Variants in EPM2A observed in about 807,000 individuals in gnomAD.
EPM2A encodes the protein laforin.
EPM2A carries 21 observed loss-of-function variants against 26.5 expected under a neutral mutation model. That is an observed-to-expected ratio of 0.79 (90% CI 0.56 to 1.14). The LOEUF (loss-of-function observed/expected upper bound fraction) is 1.14. Ranked by LOEUF, EPM2A falls within the 50% of genes most tolerant of loss-of-function variation. The probability of loss-of-function intolerance (pLI) is 0.00; values close to 1 mark genes in which losing one functional copy is unlikely to be tolerated. For missense variants in EPM2A, 458 were observed against 440.8 expected (o/e 1.04, Z -0.35); for synonymous variants, 217 against 177.6 (o/e 1.22, Z -1.76).
intron 1 of EPM2A, among the ~76,000 whole-genome samples, chr6:145,727,416 A>G (rs1776264690): frequency 6.6e-6 from 1 of 152,194 alleles, no homozygotes; most frequent in Non-Finnish European, 1.5e-5. Flanking sequence ...TCTTATTTAT[A>G]TAACAGAGAA....
chr6:145,567,543 G>C (rs2114821240), intron 2 of EPM2A, among the ~76,000 whole-genome samples: 1 of 152,336 alleles, frequency 6.6e-6, no homozygotes, highest in Admixed American at 6.5e-5. Context: ...CAGTCCACAA[G>C]TGTACCAACA....
intron 2 of EPM2A, among the ~76,000 whole-genome samples, chr6:145,551,734 A>G (rs1258642035): frequency 6.6e-6 from 1 of 152,054 alleles, no homozygotes; most frequent in African/African-American, 2.4e-5. Context: ...TCTCACACAG[A>G]TGTAATCAAG....
intron 4 of EPM2A, among the ~76,000 whole-genome samples, chr6:145,448,328 C>T (rs1288150911): frequency 6.6e-6 from 1 of 151,922 alleles, no homozygotes; most frequent in East Asian, 1.9e-4. Flanking sequence ...TAGGAAACCA[C>T]AATGTAAATC....
At chr6:145,704,679 T>C (rs563668866) in intron 1 of EPM2A, among the ~76,000 whole-genome samples, 3 of 152,132 alleles carry the variant, frequency 2.0e-5, no homozygotes, top group East Asian at 1.9e-4. Flanking sequence ...TAAAAAGCCT[T>C]TGACACCTCC....
intron 2 of EPM2A, among the ~76,000 whole-genome samples, chr6:145,612,712 T>TTTATATATA (rs1007298682): frequency 3.6e-4 from 54 of 148,176 alleles, no homozygotes; most frequent in African/African-American, 1.3e-3. Flanking sequence ...TACAATATTA[T>TTTATATATA]TTATATATAT....
At chr6:145,657,088 C>CCT (rs1778348527) in intron 2 of EPM2A, among the ~76,000 whole-genome samples, 1 of 119,130 alleles carries the variant, frequency 8.4e-6, no homozygotes, top group Non-Finnish European at 1.7e-5. Flanking sequence ...CGTCATTTTT[C>CCT]CTTTTTTTTT....
chr6:145,649,114 G>A lies in EPM2A; in HGVS notation c.477-13628C>T, dbSNP rs1354777929. The stretch of plus-strand genomic sequence containing the variant: ...GCCTCTCTTTTCTAATGTGTACACT[G>A]AGAGAACTGGATTCAATAAGCAGTT... On this transcript the variant is annotated intron_variant, in intron 2 of 3. Coordinates refer to ENST00000367519, the MANE Select transcript of EPM2A (RefSeq NM_005670.4). 2.6e-5 allele frequency among the ~76,000 whole-genome samples: 4 copies of A among 152,264 alleles called. No homozygotes were observed. The East Asian group carries it at 7.7e-4, about 29-fold the overall frequency.
At chr6:145,594,990 G>A (rs1781322308) in intron 2 of EPM2A, among the ~76,000 whole-genome samples, 2 of 150,476 alleles carry the variant, frequency 1.3e-5, no homozygotes, top group African/African-American at 4.9e-5. Flanking sequence ...TTAACTTTTA[G>A]TAGTTAAAAA....
chr6:145,429,512 A>T (rs185685891), intron 4 of EPM2A, among the ~76,000 whole-genome samples: 1 of 151,714 alleles, frequency 6.6e-6, no homozygotes, highest in African/African-American at 2.4e-5. Context: ...CATCATGATA[A>T]ACCTTAGAAA....
intron 2 of EPM2A, among the ~76,000 whole-genome samples, chr6:145,592,869 A>C (rs1447741554): frequency 6.6e-6 from 1 of 152,194 alleles, no homozygotes; most frequent in Non-Finnish European, 1.5e-5. Flanking sequence ...AAAGAAGGAA[A>C]GCACAAAAAG....
intron 4 of EPM2A, among the ~76,000 whole-genome samples, chr6:145,421,931 C>T (rs1011247246): frequency 6.7e-6 from 1 of 150,232 alleles, no homozygotes; most frequent in African/African-American, 2.4e-5. Context: ...TAAAAAGCCA[C>T]ATAACCATAC....
chr6:145,602,691 T>C (rs966449861), intron 2 of EPM2A, among the ~76,000 whole-genome samples: 1 of 152,210 alleles, frequency 6.6e-6, no homozygotes, highest in Non-Finnish European at 1.5e-5. Flanking sequence ...TCCCATTAAA[T>C]GCTAAGTAAG....
rs114211787 is a variant in EPM2A, at chr6:145,396,712, G to A, written c.556-12615C>T. Among the ~76,000 whole-genome samples, 1,220 of 152,244 alleles carry A rather than the reference G, an allele frequency of 8.0e-3. 12 individuals carry two copies. The highest frequency in any genetic ancestry group is 0.028 in the African/African-American group (1,175 of 41,534). On this transcript the variant is annotated intron_variant, in intron 4 of 4. Coordinates refer to the EPM2A transcript ENST00000638717. Reference sequence around the variant, plus strand: ...AAGTTAACTTTCACTTCCCTTCACTGTAATGGCAAGTTGATTTCATTCTGT... The same window carrying A: ...AAGTTAACTTTCACTTCCCTTCACTATAATGGCAAGTTGATTTCATTCTGT...
rs150489928 is a variant in EPM2A at position 145,579,850 on chromosome 6, T to C, written c.340+55395A>G. On this transcript the variant is annotated intron_variant, in intron 2 of 3. Transcript: ENST00000450221. ...TCTTTGTTGGCTTTTCAGCTAATTC[T>C]GTACTGTTATTTTATTGGTTGCTAT... 2.9e-3 allele frequency among the ~76,000 whole-genome samples: 445 copies of C among 152,294 alleles called. 3 individuals carry two copies. Among genetic ancestry groups the C allele is most frequent in the African/African-American group, 0.01 (425 of 41,574 alleles).
At chr6:145,706,233 T>C (rs746345565) in intron 1 of EPM2A, among the ~76,000 whole-genome samples, 3 of 152,158 alleles carry the variant, frequency 2.0e-5, no homozygotes, top group Non-Finnish European at 2.9e-5. Flanking sequence ...GTAGGGTTGC[T>C]TATTGGGCAT....
intron 4 of EPM2A, among the ~76,000 whole-genome samples, chr6:145,399,096 G>T (rs1370694584): frequency 2.0e-5 from 3 of 152,014 alleles, no homozygotes; most frequent in Non-Finnish European, 4.4e-5. Flanking sequence ...ATCAAATAAA[G>T]AAAATTTAAA....
At chr6:145,400,801 T>C (rs1778473737) in intron 4 of EPM2A, among the ~76,000 whole-genome samples, 1 of 150,270 alleles carries the variant, frequency 6.7e-6, no homozygotes, top group South Asian at 2.1e-4. Flanking sequence ...CACCATAAAT[T>C]CTTGTCTCTT....
intron 4 of EPM2A, among the ~76,000 whole-genome samples, chr6:145,418,469 C>T (rs1778737898): frequency 6.6e-6 from 1 of 152,280 alleles, no homozygotes; most frequent in East Asian, 1.9e-4. Context: ...TGACCACTGC[C>T]CAGCCATCCA....
chr6:145,560,857 A>G lies in EPM2A; in HGVS notation c.341-58282T>C, dbSNP rs367637246. ...ACATCTGCCACTGTATTCTGCTGAC[A>G]CTTTATTATTTAATTATTTTAATAA... On this transcript the variant is annotated intron_variant, in intron 2 of 3. Coordinates refer to the EPM2A transcript ENST00000450221. Among the ~76,000 whole-genome samples, 15 of 152,174 alleles carry G rather than the reference A, an allele frequency of 9.9e-5. No homozygotes were observed. In the East Asian group the frequency reaches 2.5e-3, roughly 26 times the overall value.
Sources: gnomAD v4.1 joint callset for allele counts (sites outside exome capture counted in the v4.1 genomes callset) on GRCh38, gnomAD v4.1.1 for gene constraint, MANE v1.5 for transcripts, NCBI Gene and HGNC (gene_info 2026-07-23, HGNC 2026-07-21) for gene names.